Variants in UST observed in about 807,000 individuals in gnomAD.
UST encodes the protein chondroitin sulfate 2-O-sulfotransferase.
Under a neutral mutation model 45.6 loss-of-function variants are expected in UST, and 21 were observed. The observed-to-expected ratio is 0.46, with a 90% confidence interval of 0.33 to 0.66. The LOEUF is 0.66. Ranked by LOEUF, UST falls within the 30% of genes least tolerant of loss-of-function variation. The pLI, the probability that UST is intolerant of heterozygous loss-of-function variation, is 0.02. For synonymous variants in UST, 215 were observed against 200.6 expected (o/e 1.07, Z -0.61); for missense variants, 463 against 512.4 (o/e 0.90, Z 0.93).
At chr6:149,012,604 T>G (rs1224546213) in intron 5 of UST, among the ~76,000 whole-genome samples, 1 of 152,218 alleles carries the variant, frequency 6.6e-6, no homozygotes, top group Non-Finnish European at 1.5e-5. Context: ...AAAGAGCTTT[T>G]TATATCATCG....
chr6:148,854,601 G>C (rs543924246), intron 1 of UST, among the ~76,000 whole-genome samples: 1 of 152,166 alleles, frequency 6.6e-6, no homozygotes, highest in East Asian at 1.9e-4. Flanking sequence ...TGCTTTGGTA[G>C]AAGTCAGTGT....
intron 5 of UST, chr6:149,005,633 A>T (rs1186762420): frequency 1.0e-6 from 1 of 982,104 alleles, no homozygotes; most frequent in South Asian, 4.7e-5. Flanking sequence ...CTCCACCACC[A>T]TTAGACCTCA....
Position 148,907,101 on chromosome 6 carries a change from C to T in UST, c.291+20072C>T, listed in dbSNP as rs138746622. ...ACGGTAAGACAAAATAACAGATTAA[C>T]GTGTACACAACAAATAATGTGAGAG... On this transcript the variant is annotated intron_variant, in intron 2 of 7. Coordinates refer to ENST00000367463, the MANE Select transcript of UST (RefSeq NM_005715.3). Among the ~76,000 whole-genome samples, 900 of 152,052 alleles carry T rather than the reference C, an allele frequency of 5.9e-3. 8 individuals are homozygous for T. The highest frequency in any genetic ancestry group is 0.02 in the African/African-American group (841 of 41,454).
At chr6:148,797,313 A>G (rs773583744) in intron 1 of UST, among the ~76,000 whole-genome samples, 4 of 152,180 alleles carry the variant, frequency 2.6e-5, no homozygotes, top group African/African-American at 4.8e-5. Context: ...AAACAAGCAA[A>G]CAAACAAACC....
intron 1 of UST, among the ~76,000 whole-genome samples, chr6:148,844,289 A>G (rs1018209735): frequency 2.0e-5 from 3 of 152,188 alleles, no homozygotes; most frequent in African/African-American, 7.2e-5. Flanking sequence ...CTGTTGTCCT[A>G]TGTTACAAGC....
At chr6:148,796,409 A>G (rs1035927200) in intron 1 of UST, among the ~76,000 whole-genome samples, 1 of 152,124 alleles carries the variant, frequency 6.6e-6, no homozygotes, top group African/African-American at 2.4e-5. Context: ...GCAGATCACA[A>G]GGTCAGGAGT....
intron 1 of UST, among the ~76,000 whole-genome samples, chr6:148,877,541 T>A (rs193198800): frequency 3.5e-4 from 36 of 102,564 alleles, no homozygotes; most frequent in African/African-American, 1.2e-3. Flanking sequence ...GGGATCGTGT[T>A]TGAGTGCAGG....
chr6:148,998,427 G>A (rs781642356), intron 5 of UST, among the ~76,000 whole-genome samples: 40 of 152,156 alleles, frequency 2.6e-4, no homozygotes, highest in Non-Finnish European at 5.3e-4. Flanking sequence ...AAAATCTGCC[G>A]TATTCCTTCT....
At position 148,892,190 on chromosome 6, in the gene UST, T is replaced by C. The variant is rs1779033618; in HGVS notation, c.291+5161T>C. ...TGAAGAGTCGTAGTCTGACGTTTCGTTTCCATGATCAATTTCATCATCATC... is the reference window on the plus strand; with the variant it reads ...TGAAGAGTCGTAGTCTGACGTTTCGCTTCCATGATCAATTTCATCATCATC... On this transcript the variant is annotated intron_variant, in intron 2 of 7. Transcript: ENST00000367463. Among the ~76,000 whole-genome samples the C allele has an allele frequency of 2.6e-5, 4 of 152,352 alleles. No homozygotes were observed. In the South Asian group the frequency reaches 8.3e-4, roughly 32 times the overall value.
chr6:148,879,127 G>A (rs1428488403), intron 1 of UST, among the ~76,000 whole-genome samples: 3 of 152,120 alleles, frequency 2.0e-5, no homozygotes, highest in Non-Finnish European at 2.9e-5. Context: ...CTCTATGCCC[G>A]GAGGTGCCCT....
chr6:148,998,576 G>A (rs1781492451), intron 5 of UST, among the ~76,000 whole-genome samples: 1 of 152,200 alleles, frequency 6.6e-6, no homozygotes, highest in Non-Finnish European at 1.5e-5. Flanking sequence ...CACTGGCAGT[G>A]CATTCATATA....
intron 1 of UST, among the ~76,000 whole-genome samples, chr6:148,769,382 G>A (rs1032149130): frequency 6.6e-5 from 10 of 152,222 alleles, no homozygotes; most frequent in African/African-American, 2.4e-4. Context: ...ATTTTCTTCT[G>A]TGAATTTGCC....
chr6:148,795,462 T>G lies in UST; in HGVS notation c.247+47785T>G, dbSNP rs79231260. On this transcript the variant is annotated intron_variant, in intron 1 of 7. Transcript: ENST00000367463. ...ACAAAGTATCTCCTTGTTTGATTTC[T>G]TGGACTTAGTGTGAACATGTTTTCT... Among the ~76,000 whole-genome samples, 1,441 of 152,338 alleles carry G rather than the reference T, an allele frequency of 9.5e-3. 22 individuals carry two copies. The highest frequency in any genetic ancestry group is 0.033 in the African/African-American group (1,366 of 41,572).
chr6:148,842,770 G>T (rs183684564), intron 1 of UST, among the ~76,000 whole-genome samples: 1 of 152,254 alleles, frequency 6.6e-6, no homozygotes, highest in East Asian at 1.9e-4. Context: ...CTTGGAGAAG[G>T]CAAATACAGC....
intron 1 of UST, among the ~76,000 whole-genome samples, chr6:148,878,909 T>G (rs938258294): frequency 1.3e-5 from 2 of 151,908 alleles, no homozygotes; most frequent in Non-Finnish European, 2.9e-5. Context: ...CCTGGTGGTT[T>G]AAGTCAAGTG....
intron 5 of UST, among the ~76,000 whole-genome samples, chr6:148,974,544 G>T (rs895331835): frequency 1.3e-5 from 2 of 152,096 alleles, no homozygotes; most frequent in African/African-American, 2.4e-5. Context: ...GTTCTTTCTG[G>T]GAAAGCAGCC....
At chr6:148,828,743 A>C (rs1193058790) in intron 1 of UST, among the ~76,000 whole-genome samples, 5 of 152,246 alleles carry the variant, frequency 3.3e-5, no homozygotes, top group Non-Finnish European at 5.9e-5. Context: ...CTTTGGAGCA[A>C]AAGTATTCAT....
chr6:148,964,538 G>C lies in UST; in HGVS notation c.656G>C (p.Ser219Thr). The change falls in exon 5 of 8, where the codon AGC becomes ACC. Residue 219 changes from serine to threonine, a missense_variant. Transcript: ENST00000367463. ...CAAAATCACATGATCCGCACCCCCA[G>C]CATGAGGCAGGAGGAGCGCTACCTG... Reference protein sequence around the residue: ...GEQNHMIRTPSMRQEERYLDI... With the variant: ...GEQNHMIRTPTMRQEERYLDI... The C allele has an allele frequency of 6.2e-7, 1 of 1,614,018 alleles. No homozygotes were observed. Among genetic ancestry groups the C allele is most frequent in the South Asian group, 1.1e-5 (1 of 91,078 alleles).
intron 1 of UST, among the ~76,000 whole-genome samples, chr6:148,756,030 C>T (rs575251134): frequency 7.0e-6 from 1 of 143,514 alleles, no homozygotes; most frequent in African/African-American, 2.6e-5. Flanking sequence ...CGACAGGCCC[C>T]GGTGTGTGAT....
Sources: allele counts gnomAD v4.1 joint callset (sites outside exome capture counted in the v4.1 genomes callset), GRCh38; gene constraint gnomAD v4.1.1; transcripts MANE v1.5; gene names NCBI Gene and HGNC (gene_info 2026-07-23, HGNC 2026-07-21).